CSMD3: variants seen among roughly 807,000 people sequenced by gnomAD.
CSMD3 encodes CUB and sushi domain-containing protein 3.
Under a neutral mutation model 435.2 loss-of-function variants are expected in CSMD3, and 177 were observed. The observed-to-expected ratio is 0.41, with a 90% CI of 0.36 to 0.46. CSMD3 has a LOEUF of 0.46. Among genes scored for constraint, CSMD3 ranks in the 20% least tolerant of loss-of-function variants. CSMD3 has a pLI of 0.34. For synonymous variants in CSMD3, 1,656 were observed against 1,520.5 expected (o/e 1.09, Z -2.07); for missense variants, 4,265 against 4,504.6 (o/e 0.95, Z 1.52).
intron 13 of CSMD3, among the ~76,000 whole-genome samples, chr8:112,719,836 G>T (rs949003900): frequency 6.6e-6 from 1 of 152,126 alleles, no homozygotes; most frequent in Non-Finnish European, 1.5e-5. Context: ...AACTTTATTT[G>T]AAATATCTTT....
intron 13 of CSMD3, among the ~76,000 whole-genome samples, chr8:112,790,202 T>A (rs1330505042): frequency 6.6e-6 from 1 of 152,038 alleles, no homozygotes; most frequent in Non-Finnish European, 1.5e-5. Context: ...TCTTGCCAGA[T>A]ATCATTTCAT....
At chr8:113,260,017 C>T (rs2093414325) in intron 3 of CSMD3, among the ~76,000 whole-genome samples, 1 of 152,120 alleles carries the variant, frequency 6.6e-6, no homozygotes, top group Non-Finnish European at 1.5e-5. Context: ...TCCTCCTTTA[C>T]TCAGCCCTCA....
At chr8:112,802,595 C>T (rs1263208033) in intron 12 of CSMD3, among the ~76,000 whole-genome samples, 1 of 151,928 alleles carries the variant, frequency 6.6e-6, no homozygotes, top group Non-Finnish European at 1.5e-5. Flanking sequence ...AAAACTGTTT[C>T]ATTTTTCCCT....
chr8:112,910,864 A>G (rs2130532672), intron 10 of CSMD3, among the ~76,000 whole-genome samples: 1 of 151,982 alleles, frequency 6.6e-6, no homozygotes, highest in South Asian at 2.1e-4. Context: ...GATTTTACCC[A>G]GGTCACTGGT....
chr8:113,161,439 T>A (rs1012797191), intron 4 of CSMD3, among the ~76,000 whole-genome samples: 1 of 152,152 alleles, frequency 6.6e-6, no homozygotes, highest in Non-Finnish European at 1.5e-5. Flanking sequence ...TTTAGAAATG[T>A]AAAATAAGGT....
In CSMD3 at chr8:112,320,055, A is replaced by C. The variant is rs540136690; in HGVS notation, c.7166-74T>G. ...ATTCACATATGCAAAAAAACAAGAA[A>C]ATTATGGAAAGTTGTTTAAAAAAAT... On this transcript the variant is annotated intron_variant, in intron 45 of 70. Transcript: ENST00000297405. 6 of 923,718 alleles carry C rather than the reference A, an allele frequency of 6.5e-6. No individual in the cohort carries two copies. In the African/African-American group the frequency reaches 9.8e-5, roughly 15 times the overall value. The allele number at this position is 923,718 out of a possible 1,614,324, so 57.2% of individuals were successfully genotyped here.
chr8:112,807,198 G>A (rs890985232), intron 12 of CSMD3, among the ~76,000 whole-genome samples: 14 of 152,144 alleles, frequency 9.2e-5, no homozygotes, highest in African/African-American at 2.9e-4. Context: ...TGACTCTGCC[G>A]TCTCCCTAGT....
intron 38 of CSMD3, among the ~76,000 whole-genome samples, chr8:112,361,803 T>G (rs1827268665): frequency 6.6e-6 from 1 of 151,376 alleles, no homozygotes; most frequent in African/African-American, 2.4e-5. Context: ...AGACCAAAAA[T>G]ATTGGTTTTG....
chr8:113,196,560 G>C (rs1433879402), intron 3 of CSMD3, among the ~76,000 whole-genome samples: 4 of 151,230 alleles, frequency 2.6e-5, no homozygotes, highest in African/African-American at 9.7e-5. Flanking sequence ...AAAAGTTAAA[G>C]AGCATGACGA....
intron 59 of CSMD3, among the ~76,000 whole-genome samples, chr8:112,272,801 A>T (rs1817652971): frequency 6.6e-6 from 1 of 152,198 alleles, no homozygotes; most frequent in Admixed American, 6.5e-5. Context: ...ACTATGCTAG[A>T]TTCTTTAATT....
Position 112,739,353 on chromosome 8 carries a change from C to T in CSMD3, c.1973-49303G>A, listed in dbSNP as rs1242010914. Among the ~76,000 whole-genome samples the T allele has an allele frequency of 2.0e-5, 3 of 151,766 alleles. No individual in the cohort carries two copies. The East Asian group carries it at 5.8e-4, about 29-fold the overall frequency. ...ACTTCAAATCTGCTTTTCCTTCATC[C>T]CATTACAGTCATGGATGAATAGTGG... On this transcript the variant is annotated intron_variant, in intron 13 of 70. Coordinates refer to ENST00000297405, the MANE Select transcript of CSMD3 (RefSeq NM_198123.2).
intron 3 of CSMD3, among the ~76,000 whole-genome samples, chr8:113,206,866 C>T (rs1402720743): frequency 2.6e-5 from 4 of 152,122 alleles, no homozygotes; most frequent in Non-Finnish European, 5.9e-5. Context: ...ACATTTAGTA[C>T]AATTCTTGTA....
intron 26 of CSMD3, 66 bp downstream of exon 26, chr8:112,552,528 T>C (rs2131200005): frequency 6.8e-7 from 1 of 1,468,788 alleles, no homozygotes; most frequent in African/African-American, 1.4e-5. Flanking sequence ...GGATATTAAT[T>C]TTATATAGGG....
intron 13 of CSMD3, among the ~76,000 whole-genome samples, chr8:112,762,209 C>T (rs188488394): frequency 7.6e-4 from 116 of 151,976 alleles, no homozygotes; most frequent in Non-Finnish European, 1.5e-3. Flanking sequence ...ATTATGAGAA[C>T]GAGGCAGCAG....
chr8:113,129,086 T>C (rs1023231917), intron 4 of CSMD3, among the ~76,000 whole-genome samples: 2 of 152,198 alleles, frequency 1.3e-5, no homozygotes, highest in African/African-American at 4.8e-5. Context: ...GTATGAACTG[T>C]TGCATACAGA....
chr8:113,192,381 G>C (rs912020898), intron 3 of CSMD3, among the ~76,000 whole-genome samples: 6 of 151,488 alleles, frequency 4.0e-5, no homozygotes, highest in African/African-American at 1.2e-4. Flanking sequence ...GCTGGGTCTA[G>C]CACCCTTTCA....
intron 1 of CSMD3, among the ~76,000 whole-genome samples, chr8:113,397,144 A>C (rs900729683): frequency 6.6e-6 from 1 of 152,202 alleles, no homozygotes; most frequent in East Asian, 1.9e-4. Context: ...TTGGTATGAT[A>C]ACACACTATG....
At chr8:112,912,409 C>G (rs2082448470) in intron 10 of CSMD3, among the ~76,000 whole-genome samples, 1 of 151,474 alleles carries the variant, frequency 6.6e-6, no homozygotes, top group Non-Finnish European at 1.5e-5. Flanking sequence ...TTCTCCATAT[C>G]CTCACCAATA....
intron 48 of CSMD3, among the ~76,000 whole-genome samples, 170 bp downstream of exon 48, chr8:112,314,259 G>T (rs1315938117): frequency 6.6e-6 from 1 of 151,922 alleles, no homozygotes; most frequent in East Asian, 1.9e-4. Context: ...AATAATAGTG[G>T]AGCTAACTAT....
Sources: allele counts gnomAD v4.1 joint callset (sites outside exome capture counted in the v4.1 genomes callset), GRCh38; gene constraint gnomAD v4.1.1; transcripts MANE v1.5; gene names NCBI Gene and HGNC (gene_info 2026-07-23, HGNC 2026-07-21).